The following NLRP3 variants were observed in gnomAD, a reference collection of about 807,000 sequenced individuals.
NLRP3 encodes the protein NACHT, LRR and PYD domains-containing protein 3.
Under a neutral mutation model 91.3 loss-of-function variants are expected in NLRP3, and 48 were observed. That is an observed-to-expected ratio of 0.53 (90% CI 0.42 to 0.67). NLRP3 has a LOEUF of 0.67. NLRP3 is among the 30% of genes least tolerant of loss of function. NLRP3 has a pLI of 0.00. For missense variants in NLRP3, 982 were observed against 1,276.9 expected (o/e 0.77, Z 3.52); for synonymous variants, 561 against 507.9 (o/e 1.10, Z -1.41).
chr1:247,418,434 T>C lies in NLRP3; in HGVS notation c.-367T>C, dbSNP rs1662204472. ...CTCCTACCTCAACTTCCTGAGTAGC[T>C]GGGATTACAGGCGCCCGCCACCACA... is the stretch of plus-strand genomic sequence containing the variant. On this transcript the variant is annotated 5_prime_UTR_variant, in exon 2 of 10. Transcript: ENST00000336119. The C allele has an allele frequency of 6.1e-6, 2 of 328,510 alleles. No homozygotes were observed. The highest frequency in any genetic ancestry group is 5.0e-5 in the South Asian group (2 of 40,138). 20.3% of individuals were successfully genotyped at this position (328,510 alleles called of 1,614,324 possible). A position where few individuals can be genotyped will look rare whatever the true frequency, so the allele number is the denominator to read the frequency against.
intron 4 of NLRP3, among the ~76,000 whole-genome samples, chr1:247,429,094 T>C (rs1022880820): frequency 2.0e-5 from 3 of 152,092 alleles, no homozygotes; most frequent in African/African-American, 7.2e-5. Context: ...GGTTTCACCA[T>C]GTTGGCCAGG....
chr1:247,438,348 G>T (rs1235465383), intron 7 of NLRP3, among the ~76,000 whole-genome samples: 1 of 148,570 alleles, frequency 6.7e-6, no homozygotes. Context: ...TCTTCCTGTG[G>T]TCTGGGGATT....
At chr1:247,419,703 T>G (rs1662320540) in intron 2 of NLRP3, among the ~76,000 whole-genome samples, 1 of 152,210 alleles carries the variant, frequency 6.6e-6, no homozygotes, top group Non-Finnish European at 1.5e-5. Flanking sequence ...TTTATTTCAC[T>G]CAGCATAATG....
Position 247,425,529 on chromosome 1 carries a change from A to G in NLRP3, c.2080A>G (p.Lys694Glu). The G allele has an allele frequency of 1.9e-6, 3 of 1,613,854 alleles. No individual in the cohort carries two copies. Among genetic ancestry groups the G allele is most frequent in the Non-Finnish European group, 2.5e-6 (3 of 1,180,000 alleles). Residue 694 changes from lysine to glutamate, a missense_variant, in exon 4 of 10, where the codon AAG (lysine) becomes GAG (glutamate). Lys to Glu is a moderately conservative substitution (Grantham distance 56). Transcript: ENST00000336119. The surrounding 1 kb of genome is among the most constrained non-coding windows in gnomAD (Gnocchi z 4.1). ...NMPKEEEEEE[K>E]EGRHLDMVQC... Reference sequence around the variant, plus strand: ...GCCCAAGGAGGAAGAGGAGGAGGAAAAGGAAGGCCGACACCTTGATATGGT... The same window carrying G: ...GCCCAAGGAGGAAGAGGAGGAGGAAGAGGAAGGCCGACACCTTGATATGGT...
chr1:247,435,613 G>A (rs910026643), intron 6 of NLRP3, among the ~76,000 whole-genome samples: 33 of 152,216 alleles, frequency 2.2e-4, no homozygotes, highest in African/African-American at 8.0e-4. Context: ...AGTTCTGCAA[G>A]ATGAAAGGAG....
At chr1:247,441,241 TTTC>T (rs1168219368) in intron 7 of NLRP3, among the ~76,000 whole-genome samples, 1 of 139,978 alleles carries the variant, frequency 7.1e-6, no homozygotes, top group African/African-American at 2.6e-5. Flanking sequence ...TTTCCTTTCT[TTTC>T]TTTTCTTTTT....
Position 247,418,372 on chromosome 1 carries a change from G to A in NLRP3, c.-429G>A, listed in dbSNP as rs200029144. 1.1e-5 allele frequency: 3 copies of A among 285,468 alleles called. No individual in the cohort carries two copies. The highest frequency in any genetic ancestry group is 2.1e-5 in the Non-Finnish European group (3 of 145,892). The allele number at this position is 285,468 out of a possible 1,614,324, so 17.7% of individuals were successfully genotyped here. ...GCTGGAGTGCAGTGGCGTGATCTTG[G>A]CTCACTGCAGCCTCCACTTCCCGGG... On this transcript the variant is annotated 5_prime_UTR_variant, in exon 2 of 10. Transcript: ENST00000336119.
Position 247,424,628 on chromosome 1 carries a change from C to G in NLRP3, c.1179C>G (p.Ala393=), listed in dbSNP as rs780539663. 1 of 1,614,250 alleles carries G rather than the reference C, an allele frequency of 6.2e-7. No homozygotes were observed. The highest frequency in any genetic ancestry group is 1.1e-5 in the South Asian group (1 of 91,092). Reference sequence around the variant, plus strand: ...CTGATGAGGCCCAAGCCAGGGCAGCCTTCAGTCTGATTCAGGAGAACGAGG... The same window carrying G: ...CTGATGAGGCCCAAGCCAGGGCAGCGTTCAGTCTGATTCAGGAGAACGAGG... ...YFSDEAQARA[A]FSLIQENEVL... is the part of the protein sequence containing the mutation. Residue 393 remains alanine, a synonymous_variant, in exon 4 of 10, where the codon GCC becomes GCG. Transcript: ENST00000336119. This position sits in a 1 kb window ranked among gnomAD's most constrained non-coding sequence, Gnocchi z 8.1.
At chr1:247,423,126 G>A in intron 2 of NLRP3, 104 bp from the exon 3 acceptor site, 4 of 1,493,250 alleles carry the variant, frequency 2.7e-6, no homozygotes, top group Non-Finnish European at 3.7e-6. Context: ...TTGATTTGGG[G>A]GATGTTTGGG....
chr1:247,421,323 G>A (rs562028756), intron 2 of NLRP3, among the ~76,000 whole-genome samples: 24 of 152,118 alleles, frequency 1.6e-4, no homozygotes, highest in African/African-American at 5.3e-4. Context: ...GTGTGCAGCC[G>A]GGGGAGGTCA....
At chr1:247,442,813 G>A (rs913389787) in intron 7 of NLRP3, among the ~76,000 whole-genome samples, 1 of 152,218 alleles carries the variant, frequency 6.6e-6, no homozygotes, top group African/African-American at 2.4e-5. Flanking sequence ...GCTCATGCCT[G>A]TAATCCCAGC....
chr1:247,444,186 C>G, intron 8 of NLRP3, 44 bp downstream of exon 8: 1 of 1,603,070 alleles, frequency 6.2e-7, no homozygotes, highest in Non-Finnish European at 8.5e-7. Context: ...ACATGGTGGC[C>G]AAGGGTGGAG....
At chr1:247,436,484 G>A (rs1005202020) in intron 7 of NLRP3, among the ~76,000 whole-genome samples, 1 of 152,070 alleles carries the variant, frequency 6.6e-6, no homozygotes, top group African/African-American at 2.4e-5. Context: ...GCAAGTTATC[G>A]CATAGTGCAT....
chr1:247,447,691 G>A (rs181216526), intron 9 of NLRP3, among the ~76,000 whole-genome samples: 5 of 152,304 alleles, frequency 3.3e-5, no homozygotes, highest in East Asian at 1.9e-4. Flanking sequence ...TTGAGGAAGC[G>A]TAAATGCTGA....
At chr1:247,441,921 A>C (rs757119435) in intron 7 of NLRP3, among the ~76,000 whole-genome samples, 9 of 152,250 alleles carry the variant, frequency 5.9e-5, no homozygotes, top group Non-Finnish European at 1.3e-4. Context: ...TAAAGCCTGC[A>C]TAACTTTAAT....
At position 247,425,207 on chromosome 1, in the gene NLRP3, G is replaced by A. The variant is rs531595697; in HGVS notation, c.1758G>A (p.Arg586=). 16 of 1,614,160 alleles carry A rather than the reference G, an allele frequency of 9.9e-6. No homozygotes were observed. In the African/African-American group the frequency reaches 1.1e-4, roughly 11 times the overall value. Residue 586 remains arginine (R), a synonymous_variant, in exon 4 of 10, where the codon AGG becomes AGA. Coordinates refer to ENST00000336119, the MANE Select transcript of NLRP3 (RefSeq NM_001243133.2). This position sits in a 1 kb window ranked among gnomAD's most constrained non-coding sequence, Gnocchi z 4.1. ...TCTTTGGCCTGGTAAACCAGGAGAG[G>A]ACCTCCTACTTGGAGAAGAAATTAA... is the stretch of plus-strand genomic sequence containing the variant. ...RFLFGLVNQE[R]TSYLEKKLSC...
At chr1:247,442,028 T>G (rs1301171920) in intron 7 of NLRP3, among the ~76,000 whole-genome samples, 1 of 152,258 alleles carries the variant, frequency 6.6e-6, no homozygotes, top group Non-Finnish European at 1.5e-5. Context: ...TACTAATCCC[T>G]TCTGCATGTT....
At chr1:247,447,115 C>A (rs1226030922) in intron 9 of NLRP3, among the ~76,000 whole-genome samples, 1 of 152,210 alleles carries the variant, frequency 6.6e-6, no homozygotes. Flanking sequence ...GCTGCGATAA[C>A]AAGCTGCTTT....
At chr1:247,432,968 C>G (rs753519830) in intron 5 of NLRP3, among the ~76,000 whole-genome samples, 32 of 151,752 alleles carry the variant, frequency 2.1e-4, no homozygotes, top group Admixed American at 9.9e-4. Flanking sequence ...CACCTGAGCC[C>G]AGGAGTTCAA....
Sources: gnomAD v4.1 joint callset for allele counts (sites outside exome capture counted in the v4.1 genomes callset) on GRCh38, gnomAD v4.1.1 for gene constraint, Gnocchi (gnomAD v3.1) non-coding constraint, MANE v1.5 for transcripts, NCBI Gene and HGNC (gene_info 2026-07-23, HGNC 2026-07-21) for gene names.